Variants in KLRD1 observed in about 807,000 individuals in gnomAD.
KLRD1 encodes natural killer cells antigen CD94.
Under a neutral mutation model 22.6 loss-of-function variants are expected in KLRD1, and 21 were observed. The ratio of observed to expected loss-of-function variants is 0.93; its 90% CI spans 0.66 to 1.34. KLRD1 has a LOEUF of 1.34. Ranked by LOEUF, KLRD1 falls within the 40% of genes most tolerant of loss-of-function variation. The pLI, the probability that KLRD1 is intolerant of heterozygous loss-of-function variation, is 0.00. For synonymous variants in KLRD1, 59 were observed against 71.1 expected (o/e 0.83, Z 0.85); for missense variants, 183 against 208.6 (o/e 0.88, Z 0.76).
intron 1 of KLRD1, among the ~76,000 whole-genome samples, chr12:10,292,378 T>A (rs1038434888): frequency 1.3e-5 from 2 of 152,176 alleles, no homozygotes; most frequent in South Asian, 2.1e-4. Context: ...AAAATGTATA[T>A]CTTAAATAAT....
chr12:10,248,747 G>C (rs1056426584), intron 1 of KLRD1, among the ~76,000 whole-genome samples: 5 of 151,378 alleles, frequency 3.3e-5, no homozygotes, highest in African/African-American at 1.2e-4. Context: ...ACAGGTGCCC[G>C]CCACCACACC....
rs1262241060 is a variant in KLRD1 at position 10,293,137 on chromosome 12, C to T, written c.-100-14841C>T. ...TGTGTGGCTGGTTTGATCTTTGATA[C>T]AGACCAGTAAAACTTTCTCCATATA... On this transcript the variant is annotated intron_variant, in intron 1 of 5. Transcript: ENST00000544747. Among the ~76,000 whole-genome samples the T allele has an allele frequency of 3.0e-4, 3 of 10,098 alleles. 1 individual carries two copies. Among genetic ancestry groups the T allele is most frequent in the Admixed American group, 2.3e-3 (2 of 888 alleles). The allele number at this position is 10,098 out of a possible 152,430, so 6.6% of individuals were successfully genotyped here. A position where few individuals can be genotyped will look rare whatever the true frequency, so the allele number is the denominator to read the frequency against.
At chr12:10,261,379 G>T (rs1949452664) in intron 1 of KLRD1, among the ~76,000 whole-genome samples, 1 of 152,124 alleles carries the variant, frequency 6.6e-6, no homozygotes, top group African/African-American at 2.4e-5. Context: ...TAGTAGAGGA[G>T]AACTAAAATA....
upstream of KLRD1, among the ~76,000 whole-genome samples, chr12:10,299,596 C>G (rs920448310): frequency 6.6e-6 from 1 of 152,168 alleles, no homozygotes; most frequent in Non-Finnish European, 1.5e-5. Flanking sequence ...ATCATCTAAG[C>G]TTTCAGCCAG....
chr12:10,299,211 GT>G (rs1949847336), intron 1 of KLRD1, among the ~76,000 whole-genome samples: 1 of 149,588 alleles, frequency 6.7e-6, no homozygotes, highest in African/African-American at 2.5e-5. Flanking sequence ...GTTTTGTTTT[GT>G]TTTGTTTTGT....
intron 1 of KLRD1, among the ~76,000 whole-genome samples, chr12:10,244,365 A>G (rs965916478): frequency 6.6e-6 from 1 of 152,116 alleles, no homozygotes; most frequent in Non-Finnish European, 1.5e-5. Flanking sequence ...ACAAACTACC[A>G]TTTGTGACCA....
chr12:10,312,961 T>C (rs1950129117), intron 4 of KLRD1, among the ~76,000 whole-genome samples: 1 of 151,070 alleles, frequency 6.6e-6, no homozygotes, highest in Admixed American at 6.6e-5. Flanking sequence ...CACTCCAGCC[T>C]GGGCGACAGA....
intron 1 of KLRD1, among the ~76,000 whole-genome samples, chr12:10,261,723 T>C (rs1357627013): frequency 6.6e-6 from 1 of 152,180 alleles, no homozygotes; most frequent in Non-Finnish European, 1.5e-5. Context: ...TAGTTTAAGC[T>C]TCTAATTCTT....
At chr12:10,297,203 G>A (rs1949830113) in intron 1 of KLRD1, among the ~76,000 whole-genome samples, 1 of 152,176 alleles carries the variant, frequency 6.6e-6, no homozygotes, top group South Asian at 2.1e-4. Flanking sequence ...CTGGTGTGTG[G>A]ACACCATCTC....
rs1950142212 is a variant in KLRD1 at position 10,313,341 on chromosome 12, CCCTCAAAATATGT to C, written c.316-68_316-56del. 2.6e-5 allele frequency: 22 copies of C among 834,362 alleles called. No individual in the cohort carries two copies. The Admixed American group carries it at 5.4e-4, about 20-fold the overall frequency. The allele number at this position is 834,362 out of a possible 1,614,324, so 51.7% of individuals were successfully genotyped here. A position where few individuals can be genotyped will look rare whatever the true frequency, so the allele number is the denominator to read the frequency against. ...GAATCTTATTCTAAACACTGACTTT[CCCTCAAAATATGT>C]TATTCCCAGAATAGATTAAAATTAG... On this transcript the variant is annotated intron_variant, in intron 4 of 5. Coordinates refer to ENST00000336164, the MANE Select transcript of KLRD1 (RefSeq NM_002262.5).
intron 1 of KLRD1, among the ~76,000 whole-genome samples, chr12:10,279,112 C>T (rs534971374): frequency 3.3e-5 from 5 of 151,970 alleles, no homozygotes; most frequent in African/African-American, 1.2e-4. Flanking sequence ...GCATACTACC[C>T]AACAGGTAGT....
Position 10,317,193 on chromosome 12 carries a change from T to G in KLRD1, c.*2400T>G, listed in dbSNP as rs1204920846. ...TATCCAGTCTATCACTGATGGGCATTTGGGTTGGTTCCAAGTCTTTGCTAT... is the reference window on the plus strand; with the variant it reads ...TATCCAGTCTATCACTGATGGGCATGTGGGTTGGTTCCAAGTCTTTGCTAT... On this transcript the variant is annotated 3_prime_UTR_variant, in exon 6 of 6. Transcript: ENST00000336164. 6.6e-6 allele frequency: 1 copy of G among 152,184 alleles called. No homozygotes were observed. The highest frequency in any genetic ancestry group is 1.5e-5 in the Non-Finnish European group (1 of 68,052). The allele number at this position is 152,184 out of a possible 1,614,324, so 9.4% of individuals were successfully genotyped here.
rs373793319 is a variant in KLRD1, at chr12:10,308,077, C to T, written c.-1C>T. ...ACTTCGCTCTTGGAACATAATTTCTCATGGCAGGTATGTGTGATTTCAGTC... is the reference window on the plus strand; with the variant it reads ...ACTTCGCTCTTGGAACATAATTTCTTATGGCAGGTATGTGTGATTTCAGTC... On this transcript the variant is annotated 5_prime_UTR_variant, in exon 1 of 6. Coordinates refer to ENST00000336164, the MANE Select transcript of KLRD1 (RefSeq NM_002262.5). 6.2e-7 allele frequency: 1 copy of T among 1,612,058 alleles called. No homozygotes were observed. Among genetic ancestry groups the T allele is most frequent in the African/African-American group, 1.3e-5 (1 of 74,890 alleles).
intron 1 of KLRD1, among the ~76,000 whole-genome samples, chr12:10,296,553 A>C (rs374602895): frequency 5.3e-5 from 8 of 151,260 alleles, no homozygotes; most frequent in East Asian, 1.9e-4. Context: ...CACACACACA[A>C]AAACATACAA....
At chr12:10,268,962 GT>G (rs1283785756) in intron 1 of KLRD1, among the ~76,000 whole-genome samples, 1 of 151,870 alleles carries the variant, frequency 6.6e-6, no homozygotes, top group Admixed American at 6.6e-5. Context: ...TAGGACTTTT[GT>G]TTTCTTTTTG....
At chr12:10,259,516 T>G (rs1437145612) in intron 1 of KLRD1, among the ~76,000 whole-genome samples, 1 of 152,246 alleles carries the variant, frequency 6.6e-6, no homozygotes, top group Non-Finnish European at 1.5e-5. Context: ...GTGTATGTAC[T>G]GTAGTAAACT....
At position 10,257,482 on chromosome 12, in the gene KLRD1, C is replaced by CTTTTTT. The variant is rs56871156; in HGVS notation, c.-101+31265_-101+31270dup. ...TGGTTTACTTTCCAGGTAGCTGATT[C>CTTTTTT]TTTTTTTTTTTTTTTTTTTTTGTAG... is the stretch of plus-strand genomic sequence containing the variant. On this transcript the variant is annotated intron_variant, in intron 1 of 5. Coordinates refer to the KLRD1 transcript ENST00000544747. 1.8e-3 allele frequency among the ~76,000 whole-genome samples: 175 copies of CTTTTTT among 97,344 alleles called. 2 individuals carry two copies. Among genetic ancestry groups the CTTTTTT allele is most frequent in the African/African-American group, 6.8e-3 (164 of 24,108 alleles). The allele number at this position is 97,344 out of a possible 152,430, so 63.9% of individuals were successfully genotyped here.
upstream of KLRD1, among the ~76,000 whole-genome samples, chr12:10,305,383 T>C (rs1193772051): frequency 2.0e-5 from 3 of 152,188 alleles, no homozygotes; most frequent in Non-Finnish European, 2.9e-5. Flanking sequence ...AGAGAATACT[T>C]TGAGTAGAAA....
chr12:10,308,040 C>A lies in KLRD1; in HGVS notation c.-38C>A. The stretch of plus-strand genomic sequence containing the variant: ...CTGTTCTTTCTGAAAAAGTACACAT[C>A]GTGCCTTCTCTACTTCGCTCTTGGA... On this transcript the variant is annotated 5_prime_UTR_variant, in exon 1 of 6. Coordinates refer to ENST00000336164, the MANE Select transcript of KLRD1 (RefSeq NM_002262.5). The A allele has an allele frequency of 6.3e-7, 1 of 1,598,700 alleles. No homozygotes were observed. The highest frequency in any genetic ancestry group is 1.1e-5 in the South Asian group (1 of 90,734).
Sources: gnomAD v4.1 joint callset for allele counts (sites outside exome capture counted in the v4.1 genomes callset) on GRCh38, gnomAD v4.1.1 for gene constraint, MANE v1.5 for transcripts, NCBI Gene and HGNC (gene_info 2026-07-23, HGNC 2026-07-21) for gene names.